Variants in VTI1A observed in about 807,000 individuals in gnomAD.
The protein encoded by VTI1A is vesicle transport through interaction with t-SNAREs homolog 1A.
In VTI1A, 22 loss-of-function variants were observed where a neutral mutation model predicts 34.9. The ratio of observed to expected loss-of-function variants is 0.63; its 90% CI spans 0.45 to 0.90. The LOEUF (loss-of-function observed/expected upper bound fraction) is 0.90. Ranked by LOEUF, VTI1A falls within the 40% of genes least tolerant of loss-of-function variation. The pLI, the probability that VTI1A is intolerant of heterozygous loss-of-function variation, is 0.00. For missense variants in VTI1A, 268 were observed against 275.6 expected (o/e 0.97, Z 0.20); for synonymous variants, 87 against 97.3 (o/e 0.89, Z 0.62).
intron 5 of VTI1A, among the ~76,000 whole-genome samples, chr10:112,544,121 G>A (rs576355007): frequency 9.8e-5 from 15 of 152,298 alleles, no homozygotes; most frequent in East Asian, 3.9e-4. Flanking sequence ...GTGACACCTC[G>A]TGCTTTGTTC....
At chr10:112,653,365 C>T (rs754132139) in intron 5 of VTI1A, among the ~76,000 whole-genome samples, 16 of 152,148 alleles carry the variant, frequency 1.1e-4, no homozygotes, top group Non-Finnish European at 2.2e-4. Context: ...CATATAATGT[C>T]TAGCTTCCTT....
chr10:112,647,744 T>G (rs1846857283), intron 5 of VTI1A, among the ~76,000 whole-genome samples: 1 of 152,182 alleles, frequency 6.6e-6, no homozygotes, highest in Non-Finnish European at 1.5e-5. Context: ...ATACTTTGTC[T>G]CTGCATTTTT....
chr10:112,792,367 G>A (rs916440111), intron 7 of VTI1A, among the ~76,000 whole-genome samples: 1 of 152,130 alleles, frequency 6.6e-6, no homozygotes, highest in Non-Finnish European at 1.5e-5. Context: ...CTCATGCTTT[G>A]CAGATCAGGA....
chr10:112,518,675 A>T (rs1849898062), intron 3 of VTI1A, among the ~76,000 whole-genome samples: 1 of 149,904 alleles, frequency 6.7e-6, no homozygotes, highest in African/African-American at 2.5e-5. Context: ...ATATACACAC[A>T]CACACACATA....
chr10:112,505,536 A>G (rs1160518061), intron 3 of VTI1A, among the ~76,000 whole-genome samples: 1 of 152,186 alleles, frequency 6.6e-6, no homozygotes, highest in Non-Finnish European at 1.5e-5. Context: ...TAGTAGTGTT[A>G]GTGGTCACTT....
intron 4 of VTI1A, among the ~76,000 whole-genome samples, chr10:112,529,084 A>C (rs1395703562): frequency 2.0e-5 from 3 of 152,160 alleles, no homozygotes; most frequent in Non-Finnish European, 4.4e-5. Context: ...CAAACTTACA[A>C]ATTCTGAAAG....
chr10:112,765,944 G>T (rs1564917233), intron 7 of VTI1A, among the ~76,000 whole-genome samples: 1 of 152,174 alleles, frequency 6.6e-6, no homozygotes, highest in African/African-American at 2.4e-5. Context: ...TCCAAGGCAG[G>T]TTGATGAAAA....
At chr10:112,724,816 CCT>C (rs1849956089) in intron 7 of VTI1A, among the ~76,000 whole-genome samples, 1 of 150,572 alleles carries the variant, frequency 6.6e-6, no homozygotes, top group African/African-American at 2.4e-5. Flanking sequence ...AAAACAAAAA[CCT>C]TTTTACAGAA....
At chr10:112,635,082 A>G (rs1230500677) in intron 5 of VTI1A, among the ~76,000 whole-genome samples, 1 of 152,184 alleles carries the variant, frequency 6.6e-6, no homozygotes, top group Non-Finnish European at 1.5e-5. Context: ...CTGTAACTGC[A>G]AAGTTCAGAA....
chr10:112,740,385 G>T (rs1052895642), intron 7 of VTI1A, among the ~76,000 whole-genome samples: 1 of 152,164 alleles, frequency 6.6e-6, no homozygotes, highest in African/African-American at 2.4e-5. Context: ...CGCCTCCCAG[G>T]TTCAAGCAAG....
chr10:112,823,672 G>A (rs1315711594), downstream of VTI1A: 1 of 152,262 alleles, frequency 6.6e-6, no homozygotes, highest in African/African-American at 2.4e-5. Flanking sequence ...CAGGGACAGA[G>A]GAGCCTGGGC....
At chr10:112,600,046 A>G (rs1844824564) in intron 5 of VTI1A, among the ~76,000 whole-genome samples, 1 of 152,238 alleles carries the variant, frequency 6.6e-6, no homozygotes, top group South Asian at 2.1e-4. Context: ...TCAGAACCAT[A>G]TCTGCAGGCT....
chr10:112,450,311 T>C (rs1047412681), intron 1 of VTI1A: 1 of 152,242 alleles, frequency 6.6e-6, no homozygotes. Flanking sequence ...CATGTAGTTA[T>C]GAATTTCAGA....
At chr10:112,507,701 G>C in intron 3 of VTI1A, among the ~76,000 whole-genome samples, 1 of 152,148 alleles carries the variant, frequency 6.6e-6, no homozygotes, top group East Asian at 1.9e-4. Context: ...ATCTCTCTTA[G>C]CTCTTTTACC....
intron 7 of VTI1A, among the ~76,000 whole-genome samples, chr10:112,735,810 G>C (rs1850429668): frequency 6.6e-6 from 1 of 151,630 alleles, no homozygotes; most frequent in Non-Finnish European, 1.5e-5. Context: ...TTAATATTCT[G>C]TCAGTCTGGT....
In VTI1A at chr10:112,616,500, T is replaced by C. The variant is rs888009424; in HGVS notation, c.428-51718T>C. ...CTAAATTAGGCTCTCTGGATTCCTA[T>C]ACATTCAGTTCAACAAAATATGAGC... On this transcript the variant is annotated intron_variant, in intron 5 of 7. Coordinates refer to ENST00000393077, the MANE Select transcript of VTI1A (RefSeq NM_145206.4). 3.3e-5 allele frequency among the ~76,000 whole-genome samples: 5 copies of C among 152,178 alleles called. No homozygotes were observed. The East Asian group carries it at 9.7e-4, about 29-fold the overall frequency.
chr10:112,795,738 C>T (rs1483637445), intron 7 of VTI1A, among the ~76,000 whole-genome samples: 1 of 152,046 alleles, frequency 6.6e-6, no homozygotes, highest in Non-Finnish European at 1.5e-5. Flanking sequence ...GCCCAGCCCC[C>T]TCTTACTCTC....
chr10:112,449,833 C>G (rs1258791321), intron 1 of VTI1A: 2 of 152,150 alleles, frequency 1.3e-5, no homozygotes, highest in Non-Finnish European at 2.9e-5. Flanking sequence ...AGCTTCATTA[C>G]AATTGAAAGG....
chr10:112,697,866 A>AGTG, intron 7 of VTI1A, among the ~76,000 whole-genome samples: 1 of 134,824 alleles, frequency 7.4e-6, no homozygotes, highest in Non-Finnish European at 1.7e-5. Context: ...TAGCATTTAC[A>AGTG]TGTGTGTGTG....
Sources: allele counts gnomAD v4.1 joint callset (sites outside exome capture counted in the v4.1 genomes callset), GRCh38; gene constraint gnomAD v4.1.1; transcripts MANE v1.5; gene names NCBI Gene and HGNC (gene_info 2026-07-23, HGNC 2026-07-21).